SLC16A7: variants seen among roughly 807,000 people sequenced by gnomAD.
SLC16A7 encodes solute carrier family 16 member 7.
A neutral mutation model predicts 34.9 loss-of-function variants in SLC16A7; 33 were observed. That is an observed-to-expected ratio of 0.94 (90% CI 0.72 to 1.26). The LOEUF is 1.26. SLC16A7 is among the 50% of genes most tolerant of loss of function. SLC16A7 has a pLI of 0.00. For missense variants in SLC16A7, 573 were observed against 578.1 expected (o/e 0.99, Z 0.09); for synonymous variants, 201 against 206.6 (o/e 0.97, Z 0.23).
At chr12:59,620,372 A>G (rs898709234) in intron 1 of SLC16A7, among the ~76,000 whole-genome samples, 1 of 152,018 alleles carries the variant, frequency 6.6e-6, no homozygotes, top group Non-Finnish European at 1.5e-5. Context: ...AAAAATTTAC[A>G]GTGAGGTATG....
intron 3 of SLC16A7, among the ~76,000 whole-genome samples, chr12:59,747,431 A>G (rs937621206): frequency 6.6e-6 from 1 of 152,174 alleles, no homozygotes; most frequent in Non-Finnish European, 1.5e-5. Context: ...ATTATAAAAT[A>G]TTTTTCTAAT....
At chr12:59,777,747 T>C (rs7316320) in intron 5 of SLC16A7, among the ~76,000 whole-genome samples, 5,564 of 151,618 alleles carry the variant, frequency 0.037, 316 homozygotes, top group African/African-American at 0.13. Context: ...TGGTGTGCTG[T>C]ACCCATTAAC....
At chr12:59,771,176 G>A (rs771252483) in intron 3 of SLC16A7, 43 bp from the exon 4 acceptor site, 31 of 1,556,600 alleles carry the variant, frequency 2.0e-5, no homozygotes, top group Non-Finnish European at 2.6e-5. Flanking sequence ...ACAAATAAAT[G>A]ACAAGAGCAA....
intron 3 of SLC16A7, among the ~76,000 whole-genome samples, chr12:59,708,348 G>A (rs1306907964): frequency 6.6e-6 from 1 of 152,042 alleles, no homozygotes; most frequent in Non-Finnish European, 1.5e-5. Flanking sequence ...TCAGAAACTT[G>A]CATTTTAACA....
At chr12:59,753,100 A>G (rs1879795426) in intron 3 of SLC16A7, among the ~76,000 whole-genome samples, 1 of 152,218 alleles carries the variant, frequency 6.6e-6, no homozygotes, top group Non-Finnish European at 1.5e-5. Flanking sequence ...GACCTCCTGA[A>G]GGAAGCACTA....
chr12:59,769,014 G>T (rs1046398433), intron 3 of SLC16A7: 1 of 151,760 alleles, frequency 6.6e-6, no homozygotes, highest in African/African-American at 2.4e-5. Flanking sequence ...AACAACAAAA[G>T]ATTGCCATAG....
chr12:59,655,464 A>G (rs1255189397), intron 2 of SLC16A7, among the ~76,000 whole-genome samples: 1 of 151,884 alleles, frequency 6.6e-6, no homozygotes, highest in East Asian at 1.9e-4. Flanking sequence ...CAAGAGACTA[A>G]GTCTCAGTTT....
At chr12:59,663,956 A>G (rs1235014465) in intron 2 of SLC16A7, among the ~76,000 whole-genome samples, 1 of 152,060 alleles carries the variant, frequency 6.6e-6, no homozygotes, top group East Asian at 1.9e-4. Flanking sequence ...GCTTAGATCT[A>G]AATAATTGTA....
chr12:59,645,337 A>G (rs1880861099), intron 1 of SLC16A7, among the ~76,000 whole-genome samples: 1 of 152,168 alleles, frequency 6.6e-6, no homozygotes, highest in Admixed American at 6.6e-5. Context: ...CCCCACCCAA[A>G]TCTCATCTTG....
At chr12:59,698,357 A>G (rs1592520911) in intron 2 of SLC16A7, among the ~76,000 whole-genome samples, 1 of 151,762 alleles carries the variant, frequency 6.6e-6, no homozygotes, top group Non-Finnish European at 1.5e-5. Context: ...ATATACATAA[A>G]TATATACACA....
chr12:59,605,723 T>C lies in SLC16A7; in HGVS notation c.-130+9487T>C, dbSNP rs189795764. On this transcript the variant is annotated intron_variant, in intron 1 of 5. Coordinates refer to ENST00000547379, the MANE Select transcript of SLC16A7 (RefSeq NM_001270623.2). ...ATTTATGTCCTTGAGCCAATTTTTT[T>C]TGTAGACCTCTCATGCCATCTTCTC... Among the ~76,000 whole-genome samples the C allele has an allele frequency of 4.0e-4, 61 of 152,364 alleles. 2 individuals carry two copies. The highest frequency in any genetic ancestry group is 1.3e-3 in the African/African-American group (55 of 41,584).
chr12:59,717,265 G>T (rs753304347), intron 3 of SLC16A7, among the ~76,000 whole-genome samples: 4 of 152,104 alleles, frequency 2.6e-5, no homozygotes, highest in Admixed American at 6.5e-5. Flanking sequence ...ATATGCAAAG[G>T]GTTGAATTTT....
At chr12:59,608,132 TG>T (rs1489111418) in intron 1 of SLC16A7, among the ~76,000 whole-genome samples, 2 of 152,224 alleles carry the variant, frequency 1.3e-5, no homozygotes, top group African/African-American at 4.8e-5. Flanking sequence ...TATAACTTTC[TG>T]CATCCTCTCT....
intron 2 of SLC16A7, among the ~76,000 whole-genome samples, chr12:59,699,812 T>A (rs567174192): frequency 6.6e-6 from 1 of 151,848 alleles, no homozygotes; most frequent in African/African-American, 2.4e-5. Context: ...AGCAAAAAAA[T>A]TTGTTATGCA....
rs1883634640 is a variant in SLC16A7, at chr12:59,786,552, T to C, written c.*6873T>C. 1 of 152,192 alleles carries C rather than the reference T, an allele frequency of 6.6e-6. No homozygotes were observed. Among genetic ancestry groups the C allele is most frequent in the Admixed American group, 6.5e-5 (1 of 15,274 alleles). The allele number at this position is 152,192 out of a possible 1,614,324, so 9.4% of individuals were successfully genotyped here. A position where few individuals can be genotyped will look rare whatever the true frequency, so the allele number is the denominator to read the frequency against. ...TCTAGATTTAGTGAAATAGCAAATA[T>C]GAATTAAAATATTTATTTCTAAACA... On this transcript the variant is annotated 3_prime_UTR_variant, in exon 6 of 6. Transcript: ENST00000547379.
In SLC16A7 at chr12:59,779,513, G is replaced by T; in HGVS notation, c.1271G>T (p.Gly424Val). Residue 424 changes from glycine to valine, a missense_variant, in exon 6 of 6, where the codon GGC (glycine) becomes GTC (valine). Coordinates refer to ENST00000547379, the MANE Select transcript of SLC16A7 (RefSeq NM_001270623.2). ...GCAGCAAGCGTGTGGCTGCTCATTG[G>T]CAATGCTATCAACTATAGATTGCTT... ...VVAASVWLLIGNAINYRLLAK... is the reference protein window; with the variant it reads ...VVAASVWLLIVNAINYRLLAK... The T allele has an allele frequency of 6.2e-7, 1 of 1,612,900 alleles. No individual in the cohort carries two copies. Among genetic ancestry groups the T allele is most frequent in the Non-Finnish European group, 8.5e-7 (1 of 1,179,292 alleles).
At chr12:59,604,992 G>GC (rs1490629686) in intron 1 of SLC16A7, among the ~76,000 whole-genome samples, 1 of 151,936 alleles carries the variant, frequency 6.6e-6, no homozygotes, top group Non-Finnish European at 1.5e-5. Flanking sequence ...GACTACAGGC[G>GC]CCCGCCACCA....
At chr12:59,612,608 T>G (rs1163470644) in intron 1 of SLC16A7, among the ~76,000 whole-genome samples, 1 of 152,244 alleles carries the variant, frequency 6.6e-6, no homozygotes, top group African/African-American at 2.4e-5. Flanking sequence ...TTTTCTTTTC[T>G]ATCACATCAT....
chr12:59,741,314 C>G (rs954699368), intron 3 of SLC16A7, among the ~76,000 whole-genome samples: 1 of 152,168 alleles, frequency 6.6e-6, no homozygotes, highest in African/African-American at 2.4e-5. Flanking sequence ...GCCCTTTATA[C>G]CTTGGAGCAC....
Sources: allele counts gnomAD v4.1 joint callset (sites outside exome capture counted in the v4.1 genomes callset), GRCh38; gene constraint gnomAD v4.1.1; transcripts MANE v1.5; gene names NCBI Gene and HGNC (gene_info 2026-07-23, HGNC 2026-07-21).